The following OSBPL6 variants were observed in gnomAD, a reference collection of about 807,000 sequenced individuals.
The protein encoded by OSBPL6 is oxysterol binding protein like 6, also known as oxysterol-binding protein-related protein 6.
Under a neutral mutation model 125.8 loss-of-function variants are expected in OSBPL6, and 49 were observed. The observed-to-expected ratio is 0.39, with a 90% confidence interval of 0.31 to 0.49. OSBPL6 has a LOEUF of 0.49. OSBPL6 is among the 20% of genes least tolerant of loss of function. The probability of loss-of-function intolerance (pLI) is 0.88; values close to 1 mark genes in which losing one functional copy is unlikely to be tolerated. For missense variants in OSBPL6, 986 were observed against 1,135.4 expected, an observed-to-expected ratio of 0.87 and a Z score of 1.89; for synonymous variants, 394 against 391.8, an observed-to-expected ratio of 1.01 and a Z score of -0.07.
At chr2:178,382,832 T>C (rs991662709) in intron 16 of OSBPL6, 192 bp from the exon 17 acceptor site, 19 of 1,392,204 alleles carry the variant, frequency 1.4e-5, no homozygotes, top group Non-Finnish European at 1.8e-5. Flanking sequence ...GCCTTATTTA[T>C]AAAACTATAC....
chr2:178,199,108 T>C (rs1020367694), intron 1 of OSBPL6, among the ~76,000 whole-genome samples: 1 of 151,868 alleles, frequency 6.6e-6, no homozygotes, highest in African/African-American at 2.4e-5. Context: ...GGCTTTGCCA[T>C]GTTCAGTGCA....
At chr2:178,311,096 A>G (rs1234011380) in intron 3 of OSBPL6, among the ~76,000 whole-genome samples, 3 of 152,122 alleles carry the variant, frequency 2.0e-5, no homozygotes, top group Non-Finnish European at 4.4e-5. Context: ...TCCAAATAAT[A>G]TTGAATTGCT....
intron 1 of OSBPL6, among the ~76,000 whole-genome samples, chr2:178,207,551 G>A (rs2089604806): frequency 6.6e-6 from 1 of 152,186 alleles, no homozygotes; most frequent in Admixed American, 6.5e-5. Context: ...TAAGGGTGGG[G>A]TCGGTGTGTA....
intron 3 of OSBPL6, among the ~76,000 whole-genome samples, chr2:178,307,864 C>T (rs969061226): frequency 6.6e-5 from 10 of 152,092 alleles, no homozygotes; most frequent in Non-Finnish European, 1.0e-4. Context: ...ATCTATCATG[C>T]GTTGTTATTC....
chr2:178,336,378 G>C lies in OSBPL6; in HGVS notation c.735G>C (p.Gln245His), dbSNP rs762453912. 1.2e-6 allele frequency: 2 copies of C among 1,614,126 alleles called. No homozygotes were observed. Among genetic ancestry groups the C allele is most frequent in the South Asian group, 2.2e-5 (2 of 91,080 alleles). ...TCCCTGCAACGTGCACAACTGGCCA[G>C]AGTAAAGTGGCAGCCTGGTTACAGG... ...NSLPATCTTG[Q>H]SKVAAWLQDS... The change falls in exon 9 of 25, where the codon CAG becomes CAC. Residue 245 changes from glutamine (Q) to histidine (H), a missense_variant. Transcript: ENST00000190611.
intron 13 of OSBPL6, among the ~76,000 whole-genome samples, chr2:178,371,172 A>G (rs1336661694): frequency 1.3e-5 from 2 of 152,310 alleles, no homozygotes; most frequent in East Asian, 1.9e-4. Context: ...AAAGAAGACT[A>G]TCTTTTCTCT....
intron 11 of OSBPL6, among the ~76,000 whole-genome samples, chr2:178,345,887 T>C (rs147836717): frequency 6.6e-6 from 1 of 152,300 alleles, no homozygotes; most frequent in East Asian, 1.9e-4. Flanking sequence ...CCTATTTGAA[T>C]AGAATGGGTT....
At position 178,328,304 on chromosome 2, in the gene OSBPL6, A is replaced by T; in HGVS notation, c.244A>T (p.Asn82Tyr). 1 of 1,613,976 alleles carries T rather than the reference A, an allele frequency of 6.2e-7. No homozygotes were observed. Among genetic ancestry groups the T allele is most frequent in the Non-Finnish European group, 8.5e-7 (1 of 1,179,868 alleles). ...IIEGLKIGQT[N>Y]VQKPDKHEGF... ...AGAAGGGCTGAAAATAGGCCAAACC[A>T]ATGTCCAGAAACCAGACAAACATGA... is the stretch of plus-strand genomic sequence containing the variant. The change falls in exon 5 of 25, where the codon AAT becomes TAT. Residue 82 changes from asparagine to tyrosine, a missense_variant. This residue lies in a region of OSBPL6 where 130 missense variants were observed against 106.4 expected (regional missense o/e 1.22). Coordinates refer to ENST00000190611, the MANE Select transcript of OSBPL6 (RefSeq NM_032523.4).
At chr2:178,284,571 A>C (rs1684523065) in intron 1 of OSBPL6, among the ~76,000 whole-genome samples, 1 of 152,156 alleles carries the variant, frequency 6.6e-6, no homozygotes, top group Admixed American at 6.5e-5. Flanking sequence ...ACAAACAAAC[A>C]AAAAAGCCCT....
At chr2:178,212,837 T>C (rs1161681256) in intron 1 of OSBPL6, among the ~76,000 whole-genome samples, 1 of 151,862 alleles carries the variant, frequency 6.6e-6, no homozygotes, top group Non-Finnish European at 1.5e-5. Context: ...GAGATGAGTC[T>C]TTCTTTGTCA....
chr2:178,217,482 A>G (rs1414422530), intron 1 of OSBPL6, among the ~76,000 whole-genome samples: 1 of 152,202 alleles, frequency 6.6e-6, no homozygotes, highest in East Asian at 1.9e-4. Flanking sequence ...GCACACAGAC[A>G]CACACGAGTT....
At chr2:178,322,562 T>C (rs1323273521) in intron 3 of OSBPL6, among the ~76,000 whole-genome samples, 3 of 152,180 alleles carry the variant, frequency 2.0e-5, no homozygotes, top group Non-Finnish European at 4.4e-5. Flanking sequence ...AATAATGACA[T>C]GTTGATAAAT....
At chr2:178,339,955 G>T (rs1469584271) in intron 11 of OSBPL6, among the ~76,000 whole-genome samples, 191 bp downstream of exon 11, 3 of 152,048 alleles carry the variant, frequency 2.0e-5, no homozygotes, top group East Asian at 1.9e-4. Flanking sequence ...AAGTGAGAAG[G>T]ATTTAAAAGA....
rs2154078007 is a variant in OSBPL6, at chr2:178,332,901, G to A, written c.517G>A (p.Val173Ile). ...VKSQDWFDAWVSKLRHHRLYR... is the reference protein window; with the variant it reads ...VKSQDWFDAWISKLRHHRLYR... The stretch of plus-strand genomic sequence containing the variant: ...ATCCCAGGACTGGTTTGATGCATGG[G>A]TCTCCAAACTGCGACATCATCGGTT... Residue 173 changes from valine to isoleucine, a missense_variant, in exon 8 of 25, where the codon GTC becomes ATC. Coordinates refer to ENST00000190611, the MANE Select transcript of OSBPL6 (RefSeq NM_032523.4). The A allele has an allele frequency of 1.2e-6, 2 of 1,613,704 alleles. No homozygotes were observed. The highest frequency in any genetic ancestry group is 1.7e-6 in the Non-Finnish European group (2 of 1,179,674).
intron 1 of OSBPL6, among the ~76,000 whole-genome samples, chr2:178,263,120 A>C (rs1179630945): frequency 6.6e-6 from 1 of 152,254 alleles, no homozygotes; most frequent in Non-Finnish European, 1.5e-5. Context: ...AATGAGAATT[A>C]GTTCCATGAT....
At chr2:178,287,167 A>AGC (rs1553542312) in intron 2 of OSBPL6, among the ~76,000 whole-genome samples, 1 of 147,600 alleles carries the variant, frequency 6.8e-6, no homozygotes, top group Non-Finnish European at 1.5e-5. Context: ...AAAAAAAAAA[A>AGC]AACAAATTAT....
At chr2:178,352,687 A>G (rs1691388633) in intron 12 of OSBPL6, among the ~76,000 whole-genome samples, 1 of 152,222 alleles carries the variant, frequency 6.6e-6, no homozygotes, top group Non-Finnish European at 1.5e-5. Flanking sequence ...GCAGCAGACA[A>G]CTTCTGCAGA....
At chr2:178,256,720 G>A (rs1057458694) in intron 1 of OSBPL6, among the ~76,000 whole-genome samples, 1 of 152,162 alleles carries the variant, frequency 6.6e-6, no homozygotes, top group Non-Finnish European at 1.5e-5. Flanking sequence ...TAAAATTAAT[G>A]CAAAATACTT....
intron 5 of OSBPL6, among the ~76,000 whole-genome samples, chr2:178,331,152 T>C (rs1206847089): frequency 6.6e-6 from 1 of 152,216 alleles, no homozygotes; most frequent in Non-Finnish European, 1.5e-5. Flanking sequence ...TTCAGAAGTT[T>C]ATATTCACGG....
Sources: allele counts gnomAD v4.1 joint callset (sites outside exome capture counted in the v4.1 genomes callset), GRCh38; gene constraint gnomAD v4.1.1; regional missense constraint gnomAD v4.1.1; transcripts MANE v1.5; gene names NCBI Gene and HGNC (gene_info 2026-07-23, HGNC 2026-07-21).